LARGE1: variants seen among roughly 807,000 people sequenced by gnomAD.
The protein encoded by LARGE1 is xylosyl- and glucuronyltransferase LARGE1.
LARGE1 carries 43 observed loss-of-function variants against 87.6 expected under a neutral mutation model. That is an observed-to-expected ratio of 0.49 (90% CI 0.38 to 0.63). The LOEUF (loss-of-function observed/expected upper bound fraction) is 0.63. Among genes scored for constraint, LARGE1 ranks in the 30% least tolerant of loss-of-function variants. The probability of loss-of-function intolerance (pLI) is 0.00; values close to 1 mark genes in which losing one functional copy is unlikely to be tolerated. For synonymous variants in LARGE1, 434 were observed against 394.6 expected (o/e 1.10, Z -1.18); for missense variants, 802 against 1,000.2 (o/e 0.80, Z 2.67).
chr22:33,558,832 T>A (rs375415043), intron 6 of LARGE1, among the ~76,000 whole-genome samples: 2 of 152,244 alleles, frequency 1.3e-5, no homozygotes, highest in African/African-American at 4.8e-5. Context: ...ACAGCCCCAA[T>A]GGCTCTGTGG....
At chr22:33,390,068 C>A (rs1340478491) in intron 7 of LARGE1, among the ~76,000 whole-genome samples, 1 of 152,170 alleles carries the variant, frequency 6.6e-6, no homozygotes, top group African/African-American at 2.4e-5. Context: ...CCACTTCATC[C>A]AGGAAAACTG....
At chr22:33,753,442 C>A (rs769375374) in intron 2 of LARGE1, among the ~76,000 whole-genome samples, 2 of 152,108 alleles carry the variant, frequency 1.3e-5, no homozygotes, top group Non-Finnish European at 2.9e-5. Context: ...TTTACTGGAG[C>A]CTACAGAAGG....
rs531324017 is a variant in LARGE1 at position 33,291,229 on chromosome 22, C to T, written c.1731-7881G>A. Among the ~76,000 whole-genome samples, 190 of 152,238 alleles carry T rather than the reference C, an allele frequency of 1.2e-3. 2 individuals are homozygous for T. Among genetic ancestry groups the T allele is most frequent in the African/African-American group, 4.5e-3 (187 of 41,532 alleles). On this transcript the variant is annotated intron_variant, in intron 12 of 14. Coordinates refer to ENST00000397394, the MANE Select transcript of LARGE1 (RefSeq NM_133642.5). ...GAGGATATAAGGAAAACTCTACGAC[C>T]AACACCTAACTCCTTCACAGTGAGT...
chr22:33,625,348 C>T (rs2079887181), intron 4 of LARGE1, among the ~76,000 whole-genome samples: 1 of 152,136 alleles, frequency 6.6e-6, no homozygotes, highest in African/African-American at 2.4e-5. Flanking sequence ...AAAGCAGAAG[C>T]CAATGCTGGA....
At chr22:33,107,686 A>G in the LARGE1 span, among the ~76,000 whole-genome samples, 2 of 152,146 alleles carry the variant, frequency 1.3e-5, no homozygotes, top group African/African-American at 2.4e-5. Context: ...GAAACAAAGC[A>G]ATATCCTGTC....
chr22:33,800,007 T>C lies in LARGE1; in HGVS notation c.-82-38449A>G, dbSNP rs2086110534. 5.3e-5 allele frequency among the ~76,000 whole-genome samples: 8 copies of C among 152,228 alleles called. No individual in the cohort carries two copies. The South Asian group carries it at 1.7e-3, about 32-fold the overall frequency. On this transcript the variant is annotated intron_variant, in intron 1 of 14. Transcript: ENST00000397394. ...AGATCCTCGCTGTCCCACGCACTTA[T>C]GGCTTGCTTTAATTTTTAAGACATC... is the stretch of plus-strand genomic sequence containing the variant.
At chr22:33,259,835 C>T (rs1927525498) in intron 11 of LARGE1, among the ~76,000 whole-genome samples, 1 of 152,172 alleles carries the variant, frequency 6.6e-6, no homozygotes, top group Non-Finnish European at 1.5e-5. Flanking sequence ...AACCTGCCTG[C>T]CTTGTTGAAT....
intron 1 of LARGE1, among the ~76,000 whole-genome samples, chr22:33,860,152 A>T (rs563716582): frequency 2.0e-4 from 30 of 152,116 alleles, no homozygotes; most frequent in African/African-American, 5.8e-4. Context: ...ATTTTTTTTT[A>T]AATTAAAAAA....
At chr22:33,879,688 C>A (rs181826422) in intron 1 of LARGE1, among the ~76,000 whole-genome samples, 99 of 152,332 alleles carry the variant, frequency 6.5e-4, no homozygotes, top group Admixed American at 6.2e-3. Flanking sequence ...ATTAACCACT[C>A]CTTACTTTGG....
At chr22:33,096,559 TG>T in the LARGE1 span, among the ~76,000 whole-genome samples, 15 of 91,450 alleles carry the variant, frequency 1.6e-4, no homozygotes, top group African/African-American at 5.2e-4. Context: ...TGTTTGTTTT[TG>T]TTTTTGTTTT....
chr22:33,905,397 T>C (rs1401109071), intron 1 of LARGE1, among the ~76,000 whole-genome samples: 1 of 152,168 alleles, frequency 6.6e-6, no homozygotes, highest in Non-Finnish European at 1.5e-5. Flanking sequence ...GAAAAACTTG[T>C]ACTGCCGTGC....
At chr22:33,626,705 C>T (rs1447924636) in intron 3 of LARGE1, among the ~76,000 whole-genome samples, 2 of 152,144 alleles carry the variant, frequency 1.3e-5, no homozygotes, top group African/African-American at 4.8e-5. Flanking sequence ...GGATCTCAGA[C>T]TAAGAAGTTA....
At chr22:33,821,751 A>G (rs1601699428) in intron 1 of LARGE1, among the ~76,000 whole-genome samples, 1 of 142,650 alleles carries the variant, frequency 7.0e-6, no homozygotes, top group African/African-American at 2.7e-5. Context: ...ACATGTGTGT[A>G]TATGCTATCA....
Position 33,304,455 on chromosome 22 carries a change from C to T in LARGE1, c.1504G>A (p.Ala502Thr). The change falls in exon 12 of 15, where the codon GCC (alanine) becomes ACC (threonine). Residue 502 changes from alanine to threonine, a missense_variant. Around this residue, in one of 2 missense-constraint regions of LARGE1, gnomAD observed 625 missense variants for 841.9 expected, o/e 0.74. Coordinates refer to ENST00000397394, the MANE Select transcript of LARGE1 (RefSeq NM_133642.5). Reference sequence around the variant, plus strand: ...GCCTCGGCGTCTGACAGGTAGAGGGCCAGGCTGATGGGCCCCTCCCAGTGC... The same window carrying T: ...GCCTCGGCGTCTGACAGGTAGAGGGTCAGGCTGATGGGCCCCTCCCAGTGC... ...CKHWEGPISL[A>T]LYLSDAEAQQ... The T allele has an allele frequency of 1.9e-6, 3 of 1,613,190 alleles. No homozygotes were observed. Among genetic ancestry groups the T allele is most frequent in the Non-Finnish European group, 2.5e-6 (3 of 1,179,590 alleles).
At chr22:33,703,154 A>G (rs1176475612) in intron 2 of LARGE1, among the ~76,000 whole-genome samples, 1 of 152,132 alleles carries the variant, frequency 6.6e-6, no homozygotes, top group African/African-American at 2.4e-5. Context: ...GAACACATGG[A>G]CACAAGGAGG....
intron 2 of LARGE1, among the ~76,000 whole-genome samples, chr22:33,736,710 T>C (rs2083668215): frequency 1.3e-5 from 2 of 152,240 alleles, no homozygotes; most frequent in Admixed American, 6.5e-5. Context: ...CGTTGCCTAA[T>C]CTAAAGTCAC....
intron 5 of LARGE1, among the ~76,000 whole-genome samples, chr22:33,577,349 AGAGAAGTATGCAAAAGCACACGCAT>A: frequency 6.6e-6 from 1 of 152,338 alleles, no homozygotes; most frequent in South Asian, 2.1e-4. Context: ...GCCACAAAAC[AGAGAAGTATGCAAAAGCACACGCAT>A]ACACATCTCA....
At chr22:33,370,828 GTTAAA>G (rs943099343) in intron 9 of LARGE1, among the ~76,000 whole-genome samples, 21 of 148,646 alleles carry the variant, frequency 1.4e-4, no homozygotes, top group African/African-American at 4.9e-4. Flanking sequence ...ATTTAACACT[GTTAAA>G]TTAAATAATT....
chr22:33,698,596 C>T (rs567145945), intron 2 of LARGE1, among the ~76,000 whole-genome samples: 15 of 152,308 alleles, frequency 9.8e-5, no homozygotes, highest in Non-Finnish European at 1.9e-4. Flanking sequence ...TGAGCCACTG[C>T]GCCCAGCCAA....
Sources: allele counts gnomAD v4.1 joint callset (sites outside exome capture counted in the v4.1 genomes callset), GRCh38; gene constraint gnomAD v4.1.1; regional missense constraint gnomAD v4.1.1; transcripts MANE v1.5; gene names NCBI Gene and HGNC (gene_info 2026-07-23, HGNC 2026-07-21).